GOLGA4: variants seen among roughly 807,000 people sequenced by gnomAD.
The protein encoded by GOLGA4 is golgin A4.
A neutral mutation model predicts 265.9 loss-of-function variants in GOLGA4; 169 were observed. The observed-to-expected ratio is 0.64, with a 90% confidence interval of 0.56 to 0.72. The LOEUF is 0.72. Among genes scored for constraint, GOLGA4 ranks in the 30% least tolerant of loss-of-function variants. The pLI, the probability that GOLGA4 is intolerant of heterozygous loss-of-function variation, is 0.00. For synonymous variants in GOLGA4, 923 were observed against 855.8 expected, an observed-to-expected ratio of 1.08 and a Z score of -1.37; for missense variants, 2,482 against 2,483.4, an observed-to-expected ratio of 1.00 and a Z score of 0.01.
At position 37,243,451 on chromosome 3, in the gene GOLGA4, C is replaced by G. The variant is rs1202616385; in HGVS notation, c.-100C>G. 1.2e-5 allele frequency: 12 copies of G among 991,900 alleles called. No homozygotes were observed. In the Admixed American group the frequency reaches 2.1e-4, roughly 18 times the overall value. The allele number at this position is 991,900 out of a possible 1,614,324, so 61.4% of individuals were successfully genotyped here. On this transcript the variant is annotated 5_prime_UTR_variant, in exon 1 of 24. Coordinates refer to ENST00000361924, the MANE Select transcript of GOLGA4 (RefSeq NM_002078.5). Reference sequence around the variant, plus strand: ...GACGGCGAGGCCCGGCCCCCGCTGTCCCTGGTGTAAAGAAGTCGCCGTAGC... The same window carrying G: ...GACGGCGAGGCCCGGCCCCCGCTGTGCCTGGTGTAAAGAAGTCGCCGTAGC...
intron 2 of GOLGA4, among the ~76,000 whole-genome samples, chr3:37,277,286 G>A (rs1343443593): frequency 6.6e-6 from 1 of 152,134 alleles, no homozygotes; most frequent in East Asian, 1.9e-4. Context: ...TGGTTTTCCT[G>A]TTAATTTACC....
In GOLGA4 at chr3:37,319,077, A is replaced by G; in HGVS notation, c.1428A>G (p.Glu476=). ...VVDVMKKSSE[E]QIAKLQKLHE... Reference sequence around the variant, plus strand: ...CTCATTTTCAGAAATCCTCAGAAGAACAAATTGCTAAGCTACAGAAGCTTC... The same window carrying G: ...CTCATTTTCAGAAATCCTCAGAAGAGCAAATTGCTAAGCTACAGAAGCTTC... Residue 476 remains glutamate (E), a synonymous_variant, in exon 12 of 24, where the codon GAA becomes GAG. Transcript: ENST00000361924. 1 of 1,595,396 alleles carries G rather than the reference A, an allele frequency of 6.3e-7. No individual in the cohort carries two copies. Among genetic ancestry groups the G allele is most frequent in the Non-Finnish European group, 8.5e-7 (1 of 1,172,246 alleles).
chr3:37,294,946 T>A (rs2096874266), intron 5 of GOLGA4, 33 bp from the exon 6 acceptor site: 2 of 1,425,578 alleles, frequency 1.4e-6, no homozygotes, highest in African/African-American at 1.4e-5. Flanking sequence ...TGTTTTATAC[T>A]GAAAATTACC....
chr3:37,323,690 A>G lies in GOLGA4; in HGVS notation c.1804A>G (p.Asn602Asp). The G allele has an allele frequency of 2.5e-6, 4 of 1,612,706 alleles. No homozygotes were observed. The highest frequency in any genetic ancestry group is 3.4e-6 in the Non-Finnish European group (4 of 1,179,686). The change falls in exon 14 of 24, where the codon AAT becomes GAT. Residue 602 changes from asparagine to aspartate, a missense_variant. Coordinates refer to ENST00000361924, the MANE Select transcript of GOLGA4 (RefSeq NM_002078.5). ...TCTGGAAGCTGAAAAAAATAAGCACAATAAGGAGATTACAGTCATGGTTGA... is the reference window on the plus strand; with the variant it reads ...TCTGGAAGCTGAAAAAAATAAGCACGATAAGGAGATTACAGTCATGGTTGA... ...VHLEAEKNKHNKEITVMVEKH... is the reference protein window; with the variant it reads ...VHLEAEKNKHDKEITVMVEKH...
intron 16 of GOLGA4, among the ~76,000 whole-genome samples, chr3:37,332,462 G>A (rs544380119): frequency 6.6e-6 from 1 of 152,072 alleles, no homozygotes; most frequent in African/African-American, 2.4e-5. Context: ...AGCTATGAAC[G>A]TGCCTCTGCA....
At chr3:37,323,142 A>C (rs2096960056) in intron 13 of GOLGA4, among the ~76,000 whole-genome samples, 1 of 98,364 alleles carries the variant, frequency 1.0e-5, no homozygotes, top group Admixed American at 1.0e-4. Context: ...TTTTTTTTCC[A>C]AGACAGAGGA....
chr3:37,364,090 T>G (rs1007616982), intron 23 of GOLGA4, among the ~76,000 whole-genome samples: 3 of 152,196 alleles, frequency 2.0e-5, no homozygotes, highest in Admixed American at 6.5e-5. Context: ...AAATATTTGT[T>G]CATTTACAAA....
At position 37,282,088 on chromosome 3, in the gene GOLGA4, C is replaced by G. The variant is rs1342153987; in HGVS notation, c.293C>G (p.Ser98Cys). ...SSKESLVRTS[S>C]RESLNRLDLD... is the part of the protein sequence containing the mutation. ...AAAGAGTCTTTGGTACGAACATCTT[C>G]CAGAGAATCCCTGAATCGACTTGAC... The change falls in exon 3 of 24, where the codon TCC (serine) becomes TGC (cysteine). Residue 98 changes from serine to cysteine, a missense_variant. Ser to Cys is a moderately radical substitution (Grantham distance 112). Transcript: ENST00000361924. 6.2e-7 allele frequency: 1 copy of G among 1,614,154 alleles called. No individual in the cohort carries two copies. Among genetic ancestry groups the G allele is most frequent in the East Asian group, 2.2e-5 (1 of 44,886 alleles).
chr3:37,353,323 C>A (rs1197755043), intron 21 of GOLGA4, among the ~76,000 whole-genome samples: 1 of 152,002 alleles, frequency 6.6e-6, no homozygotes, highest in Non-Finnish European at 1.5e-5. Context: ...TCCCACACAC[C>A]TTCAATCTGC....
intron 10 of GOLGA4, among the ~76,000 whole-genome samples, chr3:37,304,650 T>C (rs1219772780): frequency 2.0e-5 from 3 of 152,150 alleles, no homozygotes; most frequent in East Asian, 1.9e-4. Flanking sequence ...TAAAATTCAG[T>C]GTACTTAATG....
In GOLGA4 at chr3:37,277,732, G is replaced by C. The variant is rs564895837; in HGVS notation, c.163-4226G>C. 3.4e-4 allele frequency among the ~76,000 whole-genome samples: 51 copies of C among 151,834 alleles called. 1 individual carries two copies. Among genetic ancestry groups the C allele is most frequent in the African/African-American group, 1.1e-3 (44 of 41,396 alleles). On this transcript the variant is annotated intron_variant, in intron 2 of 23. Coordinates refer to ENST00000361924, the MANE Select transcript of GOLGA4 (RefSeq NM_002078.5). ...TGTTAAAGTGTGTACCATTTTTTCT[G>C]TTTGGAGTAAGACAAAAATTGTTTT...
At chr3:37,276,579 A>G (rs2096819762) in intron 2 of GOLGA4, 1 of 1,591,312 alleles carries the variant, frequency 6.3e-7, no homozygotes, top group Non-Finnish European at 8.6e-7. Context: ...GAATGTGGAA[A>G]TCGATGGAAG....
intron 2 of GOLGA4, among the ~76,000 whole-genome samples, chr3:37,280,086 T>C (rs950312652): frequency 2.6e-5 from 4 of 152,196 alleles, no homozygotes; most frequent in Admixed American, 1.3e-4. Flanking sequence ...AGCTTACCAT[T>C]GTTTGTTGTT....
chr3:37,294,629 C>T (rs138505653), intron 5 of GOLGA4, among the ~76,000 whole-genome samples: 5,840 of 152,220 alleles, frequency 0.038, 140 homozygotes, highest in African/African-American at 0.056. Context: ...TCAAGTGATC[C>T]ACCCTCCTCG....
At chr3:37,272,393 T>C (rs1310597163) in intron 2 of GOLGA4, among the ~76,000 whole-genome samples, 20 of 152,092 alleles carry the variant, frequency 1.3e-4, no homozygotes, top group Admixed American at 1.3e-3. Flanking sequence ...AAAAATTAGC[T>C]GGACCTGGTA....
intron 2 of GOLGA4, among the ~76,000 whole-genome samples, chr3:37,258,383 A>G (rs1032557427): frequency 1.3e-5 from 2 of 151,806 alleles, no homozygotes; most frequent in South Asian, 4.1e-4. Flanking sequence ...GCTGGAGTGC[A>G]GTGGCATGAT....
At chr3:37,270,398 A>T (rs2096795497) in intron 2 of GOLGA4, among the ~76,000 whole-genome samples, 2 of 151,524 alleles carry the variant, frequency 1.3e-5, no homozygotes, top group South Asian at 4.2e-4. Context: ...TTATATTTTT[A>T]GTAGAGATGG....
At chr3:37,247,329 A>G (rs999680429) in intron 1 of GOLGA4, among the ~76,000 whole-genome samples, 3 of 152,214 alleles carry the variant, frequency 2.0e-5, no homozygotes, top group African/African-American at 7.2e-5. Context: ...GTGAATGCCT[A>G]GGTCCTCTGC....
At chr3:37,277,803 C>A (rs563710700) in intron 2 of GOLGA4, among the ~76,000 whole-genome samples, 39 of 151,978 alleles carry the variant, frequency 2.6e-4, no homozygotes, top group Non-Finnish European at 4.9e-4. Context: ...ACTTTAAAGG[C>A]CACTGTTGCA....
Sources: gnomAD v4.1 joint callset for allele counts (sites outside exome capture counted in the v4.1 genomes callset) on GRCh38, gnomAD v4.1.1 for gene constraint, MANE v1.5 for transcripts, NCBI Gene and HGNC (gene_info 2026-07-23, HGNC 2026-07-21) for gene names.